ZNF16: variants seen among roughly 807,000 people sequenced by gnomAD.
ZNF16 encodes zinc finger protein 16, also known as zinc finger protein KOX9.
In ZNF16, 7 loss-of-function variants were observed where a neutral mutation model predicts 9.0. The observed-to-expected ratio is 0.78, with a 90% CI of 0.44 to 1.47. The LOEUF (loss-of-function observed/expected upper bound fraction) is 1.47, where lower values mean the gene tolerates loss of function less well. ZNF16 is among the 40% of genes most tolerant of loss of function. The probability of loss-of-function intolerance (pLI) is 0.01; values close to 1 mark genes in which losing one functional copy is unlikely to be tolerated. For missense variants in ZNF16, 830 were observed against 854.2 expected (o/e 0.97, Z 0.35); for synonymous variants, 312 against 301.5 (o/e 1.03, Z -0.36).
intron 1 of ZNF16, among the ~76,000 whole-genome samples, chr8:144,946,468 T>C (rs879250656): frequency 6.6e-6 from 1 of 151,894 alleles, no homozygotes; most frequent in Non-Finnish European, 1.5e-5. Context: ...TAAGGTAAAG[T>C]GGGTCATGGT....
chr8:144,937,515 G>T (rs1833713450), intron 2 of ZNF16, among the ~76,000 whole-genome samples: 1 of 151,698 alleles, frequency 6.6e-6, no homozygotes, highest in Non-Finnish European at 1.5e-5. Context: ...TTTTTCTTTT[G>T]TTGCTCATGC....
In ZNF16 at chr8:144,942,795, C is replaced by T. The variant is rs535808102; in HGVS notation, c.196+3216G>A. ...AGACTTATAATGCAGACCTTTTATGCATTTGTTCTTTAGATCACTTAGGAA... is the reference window on the plus strand; with the variant it reads ...AGACTTATAATGCAGACCTTTTATGTATTTGTTCTTTAGATCACTTAGGAA... On this transcript the variant is annotated intron_variant, in intron 2 of 2. Transcript: ENST00000394909. 7.2e-5 allele frequency among the ~76,000 whole-genome samples: 11 copies of T among 152,292 alleles called. No individual in the cohort carries two copies. The South Asian group carries it at 2.3e-3, about 32-fold the overall frequency.
chr8:144,947,085 C>G (rs1369730280), intron 1 of ZNF16, among the ~76,000 whole-genome samples: 2 of 133,124 alleles, frequency 1.5e-5, no homozygotes, highest in African/African-American at 6.3e-5. Flanking sequence ...CTACTGTGGG[C>G]CATACCCTGC....
In ZNF16 at chr8:144,932,637, G is replaced by A. The variant is rs751696629; in HGVS notation, c.197-47C>T. 5 of 1,573,868 alleles carry A rather than the reference G, an allele frequency of 3.2e-6. No individual in the cohort carries two copies. The highest frequency in any genetic ancestry group is 3.4e-6 in the Non-Finnish European group (4 of 1,159,642). ...CACTTGGAAGGCAGTGCTGCAGCAG[G>A]AGCAGGAACATAGACAGTCACAGTT... On this transcript the variant is annotated intron_variant, in intron 2 of 2. Coordinates refer to ENST00000394909, the MANE Select transcript of ZNF16 (RefSeq NM_006958.3). This position sits in a 1 kb window ranked among gnomAD's most constrained non-coding sequence, Gnocchi z 5.0.
In ZNF16 at chr8:144,930,974, C is replaced by T. The variant is rs1047867259; in HGVS notation, c.1813G>A (p.Glu605Lys). Residue 605 changes from glutamate to lysine, a missense_variant, in exon 3 of 3, where the codon GAA becomes AAA. Physicochemically the swap from Glu to Lys is moderately conservative, Grantham distance 56 (BLOSUM62 1). Coordinates refer to ENST00000394909, the MANE Select transcript of ZNF16 (RefSeq NM_006958.3). The part of the protein sequence containing the change: ...HTGEKPYTCV[E>K]CGKGFSQSSH... Reference sequence around the variant, plus strand: ...CTCTGGCTGAAGCCCTTACCACATTCAACACAGGTGTAGGGTTTTTCCCCA... The same window carrying T: ...CTCTGGCTGAAGCCCTTACCACATTTAACACAGGTGTAGGGTTTTTCCCCA... The T allele has an allele frequency of 6.2e-7, 1 of 1,614,146 alleles. No homozygotes were observed. Among genetic ancestry groups the T allele is most frequent in the Non-Finnish European group, 8.5e-7 (1 of 1,179,994 alleles).
rs375470055 is a variant in ZNF16 at position 144,939,783 on chromosome 8, G to A, written c.196+6228C>T. On this transcript the variant is annotated intron_variant, in intron 2 of 2. Coordinates refer to ENST00000394909, the MANE Select transcript of ZNF16 (RefSeq NM_006958.3). ...CATCTGGGTTATCTAATTTGTTGGT[G>A]TACAATTAGTCACAATATTCTCTTT... Among the ~76,000 whole-genome samples, 6 of 152,186 alleles carry A rather than the reference G, an allele frequency of 3.9e-5. No homozygotes were observed. In the East Asian group the frequency reaches 1.2e-3, roughly 29 times the overall value.
intron 1 of ZNF16, among the ~76,000 whole-genome samples, chr8:144,947,313 C>T (rs1266759254): frequency 2.2e-5 from 3 of 137,752 alleles, no homozygotes; most frequent in African/African-American, 8.9e-5. Flanking sequence ...GGCCTGTACC[C>T]TGCTGCGGGC....
intron 1 of ZNF16, among the ~76,000 whole-genome samples, chr8:144,950,240 C>T (rs2130075877): frequency 6.6e-6 from 1 of 152,338 alleles, no homozygotes. Flanking sequence ...TCTCCTACTG[C>T]ATTCCTCTTG....
chr8:144,931,801 G>A lies in ZNF16; in HGVS notation c.986C>T (p.Ala329Val), dbSNP rs1470605255. 1 of 1,614,076 alleles carries A rather than the reference G, an allele frequency of 6.2e-7. No homozygotes were observed. Among genetic ancestry groups the A allele is most frequent in the African/African-American group, 1.3e-5 (1 of 74,924 alleles). Residue 329 changes from alanine to valine, a missense_variant, in exon 3 of 3, where the codon GCT becomes GTT. Coordinates refer to ENST00000394909, the MANE Select transcript of ZNF16 (RefSeq NM_006958.3). ...GATGAGGTTTGAGCTCCGCCTAAAA[G>A]CCTTCCCACATTCATTGCATTCATA... ...KPYECNECGKAFRRSSNLIQH... is the reference protein window; with the variant it reads ...KPYECNECGKVFRRSSNLIQH...
At chr8:144,946,524 T>TGGGCCCGTGTCCTGCTGTGGGTCTGTAC (rs1833933420) in intron 1 of ZNF16, among the ~76,000 whole-genome samples, 1 of 132,468 alleles carries the variant, frequency 7.5e-6, no homozygotes, top group Non-Finnish European at 1.6e-5. Flanking sequence ...AGGGTCTGTG[T>TGGGCCCGTGTCCTGCTGTGGGTCTGTAC]CCTGCTGTGG....
chr8:144,936,866 T>C (rs1445251984), intron 2 of ZNF16, among the ~76,000 whole-genome samples: 4 of 151,976 alleles, frequency 2.6e-5, no homozygotes, highest in Non-Finnish European at 5.9e-5. Context: ...AGCTAAGTTT[T>C]GTATTTTTAG....
At position 144,932,916 on chromosome 8, in the gene ZNF16, C is replaced by T. The variant is rs1833593289; in HGVS notation, c.197-326G>A. Reference sequence around the variant, plus strand: ...CCCTTGACTCCCCTCTTCCTCGACACCCACACCAAACCACTGGCAAGTCCT... The same window carrying T: ...CCCTTGACTCCCCTCTTCCTCGACATCCACACCAAACCACTGGCAAGTCCT... On this transcript the variant is annotated intron_variant, in intron 2 of 2. Coordinates refer to ENST00000394909, the MANE Select transcript of ZNF16 (RefSeq NM_006958.3). The surrounding 1 kb of genome is among the most constrained non-coding windows in gnomAD (Gnocchi z 5.0). Among the ~76,000 whole-genome samples, 1 of 152,240 alleles carries T rather than the reference C, an allele frequency of 6.6e-6. No individual in the cohort carries two copies. The highest frequency in any genetic ancestry group is 2.4e-5 in the African/African-American group (1 of 41,454).
In ZNF16 at chr8:144,946,156, A is replaced by T. The variant is rs1269234602; in HGVS notation, c.51T>A (p.Val17=). Residue 17 remains valine, a synonymous_variant, in exon 2 of 3, where the codon GTT becomes GTA. Coordinates refer to ENST00000394909, the MANE Select transcript of ZNF16 (RefSeq NM_006958.3). ...RREEAEMELS[V]PGPSPWTPAA... The stretch of plus-strand genomic sequence containing the variant: ...CAGGGGTCCAGGGGGATGGTCCTGG[A>T]ACTGAGAGCTCCATCTCTGCCTCCT... 1.9e-6 allele frequency: 3 copies of T among 1,563,462 alleles called. No homozygotes were observed. Among genetic ancestry groups the T allele is most frequent in the Non-Finnish European group, 2.6e-6 (3 of 1,148,774 alleles).
intron 2 of ZNF16, among the ~76,000 whole-genome samples, chr8:144,942,435 C>T (rs1049614490): frequency 5.9e-5 from 9 of 151,596 alleles, no homozygotes; most frequent in East Asian, 1.9e-4. Context: ...TTACAGGTGC[C>T]CACCACCATG....
intron 2 of ZNF16, among the ~76,000 whole-genome samples, chr8:144,934,190 C>T (rs373959286): frequency 4.6e-5 from 7 of 152,180 alleles, no homozygotes; most frequent in African/African-American, 1.7e-4. Flanking sequence ...GGGACTTGCC[C>T]CTCTACCCAC....
intron 1 of ZNF16, among the ~76,000 whole-genome samples, chr8:144,946,909 A>G (rs1227921173): frequency 9.8e-5 from 7 of 71,678 alleles, no homozygotes; most frequent in African/African-American, 2.8e-4. Flanking sequence ...TGGGGCCTGT[A>G]CCCTGCTGTG....
At chr8:144,939,261 CCTT>C (rs1399754336) in intron 2 of ZNF16, among the ~76,000 whole-genome samples, 1 of 152,102 alleles carries the variant, frequency 6.6e-6, no homozygotes, top group African/African-American at 2.4e-5. Flanking sequence ...GTTCTCTCCT[CCTT>C]TGCAAGAGTT....
intron 2 of ZNF16, among the ~76,000 whole-genome samples, chr8:144,940,386 G>C (rs962397048): frequency 6.6e-6 from 1 of 152,110 alleles, no homozygotes; most frequent in Admixed American, 6.5e-5. Context: ...GGTGTTTATT[G>C]CTATAAATTT....
chr8:144,950,230 T>C (rs778094860), intron 1 of ZNF16, among the ~76,000 whole-genome samples: 1 of 152,138 alleles, frequency 6.6e-6, no homozygotes, highest in South Asian at 2.1e-4. Flanking sequence ...ATCACCCTGC[T>C]CTCCTACTGC....
Sources: gnomAD v4.1 joint callset for allele counts (sites outside exome capture counted in the v4.1 genomes callset) on GRCh38, gnomAD v4.1.1 for gene constraint, Gnocchi (gnomAD v3.1) non-coding constraint, MANE v1.5 for transcripts, NCBI Gene and HGNC (gene_info 2026-07-23, HGNC 2026-07-21) for gene names.